Variants in PSMD14 observed in about 807,000 individuals in gnomAD.
The protein encoded by PSMD14 is ubiquitin C-terminal hydrolase PSMD14.
PSMD14 carries 7 observed loss-of-function variants against 41.2 expected under a neutral mutation model. The ratio of observed to expected loss-of-function variants is 0.17; its 90% CI spans 0.10 to 0.32. The LOEUF (loss-of-function observed/expected upper bound fraction) is 0.32, where lower values mean the gene tolerates loss of function less well. Ranked by LOEUF, PSMD14 falls within the 10% of genes least tolerant of loss-of-function variation. PSMD14 has a pLI of 1.00. For synonymous variants in PSMD14, 114 were observed against 122.3 expected, an observed-to-expected ratio of 0.93 and a Z score of 0.45; for missense variants, 139 against 375.6, an observed-to-expected ratio of 0.37 and a Z score of 5.21.
chr2:161,312,145 ATTT>A (rs112312143), intron 1 of PSMD14, among the ~76,000 whole-genome samples: 1 of 142,446 alleles, frequency 7.0e-6, no homozygotes. Context: ...CTGAAAAGTA[ATTT>A]TTTTTTTTTT....
chr2:161,391,537 G>T (rs1199305387), intron 9 of PSMD14, among the ~76,000 whole-genome samples: 1 of 152,030 alleles, frequency 6.6e-6, no homozygotes, highest in African/African-American at 2.4e-5. Context: ...ATATTGCTCT[G>T]TAAATTTGAG....
chr2:161,353,886 TATTATA>T, intron 3 of PSMD14, among the ~76,000 whole-genome samples: 1 of 151,762 alleles, frequency 6.6e-6, no homozygotes, highest in East Asian at 1.9e-4. Context: ...TGGCTTTGCA[TATTATA>T]ATTTAGAAGA....
chr2:161,354,356 C>G (rs192564698), intron 3 of PSMD14, among the ~76,000 whole-genome samples: 2 of 152,118 alleles, frequency 1.3e-5, no homozygotes, highest in East Asian at 3.9e-4. Context: ...AATGATCCTC[C>G]CACCTGAGCC....
chr2:161,322,359 C>T (rs991879770), intron 3 of PSMD14, among the ~76,000 whole-genome samples: 1 of 152,066 alleles, frequency 6.6e-6, no homozygotes, highest in Non-Finnish European at 1.5e-5. Flanking sequence ...GGTCTTTGGG[C>T]TTTGCTCTAT....
chr2:161,394,421 T>C (rs1205101743), intron 9 of PSMD14, among the ~76,000 whole-genome samples: 6 of 152,206 alleles, frequency 3.9e-5, no homozygotes, highest in Admixed American at 1.3e-4. Context: ...TTCATAGATC[T>C]CTAAACTGAG....
intron 7 of PSMD14, chr2:161,382,286 C>T (rs894940001): frequency 1.3e-5 from 2 of 151,704 alleles, no homozygotes; most frequent in African/African-American, 4.8e-5. Flanking sequence ...CTATTTTAGT[C>T]CTCTGTTTTG....
intron 3 of PSMD14, among the ~76,000 whole-genome samples, chr2:161,357,761 T>C (rs1348937511): frequency 2.6e-5 from 4 of 152,176 alleles, no homozygotes; most frequent in Admixed American, 2.6e-4. Context: ...ATAGTGGCAT[T>C]GTATGAAAGA....
chr2:161,396,211 A>G (rs949678352), intron 10 of PSMD14, among the ~76,000 whole-genome samples: 2 of 152,218 alleles, frequency 1.3e-5, no homozygotes, highest in African/African-American at 2.4e-5. Context: ...TAGGCAAAAT[A>G]AACATCACAG....
intron 9 of PSMD14, among the ~76,000 whole-genome samples, chr2:161,394,258 CA>C (rs762566763): frequency 1.9e-4 from 29 of 152,066 alleles, no homozygotes; most frequent in Non-Finnish European, 3.4e-4. Flanking sequence ...AGGCATGAGC[CA>C]CTGTGCCCGG....
intron 3 of PSMD14, among the ~76,000 whole-genome samples, chr2:161,349,919 A>G (rs1480914264): frequency 6.6e-6 from 1 of 152,238 alleles, no homozygotes; most frequent in Non-Finnish European, 1.5e-5. Flanking sequence ...TTCAAAGTTG[A>G]TATTGATTTC....
intron 3 of PSMD14, among the ~76,000 whole-genome samples, chr2:161,361,468 T>TTTC (rs1553506341): frequency 2.0e-5 from 3 of 151,536 alleles, no homozygotes; most frequent in Admixed American, 1.3e-4. Flanking sequence ...ATTTTTTTTT[T>TTTC]CACATACATA....
chr2:161,374,925 G>A (rs1329772340), intron 7 of PSMD14, among the ~76,000 whole-genome samples: 2 of 151,982 alleles, frequency 1.3e-5, no homozygotes, highest in African/African-American at 2.4e-5. Flanking sequence ...TTAGTAAAAT[G>A]CTCAGTTATT....
intron 3 of PSMD14, among the ~76,000 whole-genome samples, chr2:161,327,276 G>A (rs918505641): frequency 2.0e-5 from 3 of 152,112 alleles, no homozygotes; most frequent in Non-Finnish European, 4.4e-5. Context: ...GATGAAAAAA[G>A]TTCTGGAACT....
chr2:161,361,227 CTAAGA>C (rs1236185172), intron 3 of PSMD14, among the ~76,000 whole-genome samples: 1 of 151,720 alleles, frequency 6.6e-6, no homozygotes, highest in Non-Finnish European at 1.5e-5. Flanking sequence ...GCTTCCAGTA[CTAAGA>C]AAAAATGAAA....
intron 10 of PSMD14, among the ~76,000 whole-genome samples, chr2:161,397,112 G>A (rs1683810895): frequency 6.6e-6 from 1 of 152,154 alleles, no homozygotes; most frequent in Non-Finnish European, 1.5e-5. Context: ...TTACAGGAAT[G>A]AGCCACCGTG....
intron 7 of PSMD14, among the ~76,000 whole-genome samples, chr2:161,373,973 A>G (rs1210904645): frequency 6.6e-6 from 1 of 151,850 alleles, no homozygotes; most frequent in Non-Finnish European, 1.5e-5. Flanking sequence ...TTACCATTAC[A>G]TGTTATTAGT....
intron 3 of PSMD14, among the ~76,000 whole-genome samples, chr2:161,347,886 C>T (rs1683066918): frequency 6.6e-6 from 1 of 152,200 alleles, no homozygotes; most frequent in Admixed American, 6.5e-5. Context: ...TTTTCAGATG[C>T]AGCTGAGGCA....
At chr2:161,396,685 A>G (rs1683801982) in intron 10 of PSMD14, among the ~76,000 whole-genome samples, 1 of 152,172 alleles carries the variant, frequency 6.6e-6, no homozygotes, top group African/African-American at 2.4e-5. Context: ...GACATAGGAC[A>G]TGTTTAAGAA....
chr2:161,375,895 TAGTG>T (rs1683496363), intron 7 of PSMD14, among the ~76,000 whole-genome samples: 1 of 151,678 alleles, frequency 6.6e-6, no homozygotes, highest in African/African-American at 2.4e-5. Context: ...AATAAAAAGT[TAGTG>T]AATGAATGCT....
Sources: gnomAD v4.1 joint callset for allele counts (sites outside exome capture counted in the v4.1 genomes callset) on GRCh38, gnomAD v4.1.1 for gene constraint, MANE v1.5 for transcripts, NCBI Gene and HGNC (gene_info 2026-07-23, HGNC 2026-07-21) for gene names.